Variants in RHOC observed in about 807,000 individuals in gnomAD.
The protein encoded by RHOC is rho-related GTP-binding protein RhoC.
In RHOC, 13 loss-of-function variants were observed where a neutral mutation model predicts 19.5. That is an observed-to-expected ratio of 0.67 (90% CI 0.43 to 1.06). The LOEUF (loss-of-function observed/expected upper bound fraction) is 1.06. Among genes scored for constraint, RHOC ranks in the 50% least tolerant of loss-of-function variants. The pLI, the probability that RHOC is intolerant of heterozygous loss-of-function variation, is 0.00. For missense variants in RHOC, 173 were observed against 256.9 expected, an observed-to-expected ratio of 0.67 and a Z score of 2.23; for synonymous variants, 106 against 97.3, an observed-to-expected ratio of 1.09 and a Z score of -0.52.
At chr1:112,706,463 A>ACACACC (rs1674869025) in intron 1 of RHOC, among the ~76,000 whole-genome samples, 7 of 8,216 alleles carry the variant, frequency 8.5e-4, no homozygotes, top group South Asian at 0.01. Context: ...ACACACACAC[A>ACACACC]CCACACACAC....
rs916545592 is a variant in RHOC at position 112,701,371 on chromosome 1, G to A, written c.*169C>T. The A allele has an allele frequency of 6.6e-7, 1 of 1,519,122 alleles. No individual in the cohort carries two copies. Among genetic ancestry groups the A allele is most frequent in the East Asian group, 2.5e-5 (1 of 40,738 alleles). 94.1% of individuals were successfully genotyped at this position (1,519,122 alleles called of 1,614,324 possible). A position where few individuals can be genotyped will look rare whatever the true frequency, so the allele number is the denominator to read the frequency against. Reference sequence around the variant, plus strand: ...AGGCGTGGCTCCCAGAGCGCTGGGAGGGAGGGCCCGTGCCACCACCTCGGG... The same window carrying A: ...AGGCGTGGCTCCCAGAGCGCTGGGAAGGAGGGCCCGTGCCACCACCTCGGG... On this transcript the variant is annotated 3_prime_UTR_variant, in exon 6 of 6. Coordinates refer to ENST00000339083, the MANE Select transcript of RHOC (RefSeq NM_175744.5).
chr1:112,702,999 C>T lies in RHOC; in HGVS notation c.277G>A (p.Glu93Lys). ...AGTCCCCTCCCTCCAATCCCCTCACCCAGGCTGTCAGGGCTGTCGATGGAG... is the reference window on the plus strand; with the variant it reads ...AGTCCCCTCCCTCCAATCCCCTCACTCAGGCTGTCAGGGCTGTCGATGGAG... ...CFSIDSPDSL[E>K]NIPEKWTPEV... The change falls in exon 4 of 6, where the codon GAA becomes AAA. Residue 93 changes from glutamate to lysine, a missense_variant and splice_region_variant. This residue lies in a region of RHOC where 92 missense variants were observed against 171.1 expected (regional missense o/e 0.54). Transcript: ENST00000339083. 1 of 1,613,992 alleles carries T rather than the reference C, an allele frequency of 6.2e-7. No individual in the cohort carries two copies. Among genetic ancestry groups the T allele is most frequent in the African/African-American group, 1.3e-5 (1 of 75,040 alleles).
chr1:112,705,140 C>G lies in RHOC; in HGVS notation c.-48G>C, dbSNP rs547527828. 15 of 702,210 alleles carry G rather than the reference C, an allele frequency of 2.1e-5. No homozygotes were observed. Among genetic ancestry groups the G allele is most frequent in the African/African-American group, 5.2e-5 (3 of 57,184 alleles). 43.5% of individuals were successfully genotyped at this position (702,210 alleles called of 1,614,324 possible). On this transcript the variant is annotated 5_prime_UTR_variant, in exon 2 of 6. Transcript: ENST00000339083. Reference sequence around the variant, plus strand: ...GTTCCCAGGCTGCAGGAAGAGAGGGCGGGCTCTGGAGCTGAGATGAAGTCA... The same window carrying G: ...GTTCCCAGGCTGCAGGAAGAGAGGGGGGGCTCTGGAGCTGAGATGAAGTCA...
At chr1:112,706,598 AG>A (rs1310583670) in intron 1 of RHOC, 1 of 152,348 alleles carries the variant, frequency 6.6e-6, no homozygotes, top group Non-Finnish European at 1.5e-5. Flanking sequence ...GGAACCGTCC[AG>A]GGCGGCGTCC....
At chr1:112,703,942 A>G (rs1291565583) in intron 2 of RHOC, 136 bp from the exon 3 acceptor site, 4 of 738,790 alleles carry the variant, frequency 5.4e-6, no homozygotes, top group Middle Eastern at 3.9e-4. Flanking sequence ...TGTTCTGGCA[A>G]AACACCAATT....
At chr1:112,702,769 C>G in intron 4 of RHOC, 76 bp from the exon 5 acceptor site, 1 of 1,579,484 alleles carries the variant, frequency 6.3e-7, no homozygotes, top group East Asian at 2.2e-5. Context: ...CCCTCATCTT[C>G]CCAGAGCAGT....
At position 112,701,449 on chromosome 1, in the gene RHOC, A is replaced by C. The variant is rs1340782251; in HGVS notation, c.*91T>G. The C allele has an allele frequency of 3.1e-6, 5 of 1,612,670 alleles. No individual in the cohort carries two copies. The African/African-American group carries it at 4.0e-5, about 13-fold the overall frequency. On this transcript the variant is annotated 3_prime_UTR_variant, in exon 6 of 6. Coordinates refer to ENST00000339083, the MANE Select transcript of RHOC (RefSeq NM_175744.5). ...GAGGGAACTGAAAATGGGAGCCTTC[A>C]GCATGGAGCCCTCAGGAGGCTGGGG... is the stretch of plus-strand genomic sequence containing the variant.
intron 5 of RHOC, 80 bp downstream of exon 5, chr1:112,702,483 G>A: frequency 6.8e-7 from 1 of 1,480,470 alleles, no homozygotes; most frequent in East Asian, 2.3e-5. Flanking sequence ...AGTAGCTGGA[G>A]AGAAGTTCCC....
intron 5 of RHOC, 135 bp from the exon 6 acceptor site, chr1:112,701,848 T>G: frequency 7.0e-6 from 6 of 856,606 alleles, no homozygotes; most frequent in Non-Finnish European, 1.1e-5. Context: ...AGGCCCCAGC[T>G]ACCCTGGGCA....
chr1:112,702,932 A>G, intron 4 of RHOC, 67 bp downstream of exon 4: 1 of 1,580,040 alleles, frequency 6.3e-7, no homozygotes, highest in Non-Finnish European at 8.7e-7. Context: ...GACTGAAGAC[A>G]GGCCAAGGCA....
At chr1:112,706,496 A>ACCACACACACACACACACACCCCCACAC (rs1557780845) in intron 1 of RHOC, among the ~76,000 whole-genome samples, 1 of 40,924 alleles carries the variant, frequency 2.4e-5, no homozygotes, top group Non-Finnish European at 5.7e-5. Flanking sequence ...ACACACACAC[A>ACCACACACACACACACACACCCCCACAC]CACACACACA....
chr1:112,704,958 C>T (rs1389268910), intron 2 of RHOC, 142 bp downstream of exon 2: 6 of 640,486 alleles, frequency 9.4e-6, no homozygotes, highest in Non-Finnish European at 1.7e-5. Flanking sequence ...CTGCCCACCC[C>T]TCCCTGTGAC....
chr1:112,706,722 G>A (rs1205784496), intron 1 of RHOC: 13 of 152,090 alleles, frequency 8.5e-5, no homozygotes, highest in Admixed American at 7.8e-4. Flanking sequence ...GGTCCCCTGC[G>A]GCCGCCCACC....
In RHOC at chr1:112,706,430, T is replaced by TACACACACAC. The variant is rs149206424; in HGVS notation, c.-77+638_-77+647dup. 4.1e-3 allele frequency among the ~76,000 whole-genome samples: 203 copies of TACACACACAC among 49,694 alleles called. 15 individuals are homozygous for TACACACACAC. Among genetic ancestry groups the TACACACACAC allele is most frequent in the Middle Eastern group, 0.021 (2 of 94 alleles). 32.6% of individuals were successfully genotyped at this position (49,694 alleles called of 152,430 possible). A position where few individuals can be genotyped will look rare whatever the true frequency, so the allele number is the denominator to read the frequency against. Reference sequence around the variant, plus strand: ...CATTTTCTCTCTCTCTCTCTCTCTCTACACACACACACACACACACACACA... The same window carrying TACACACACAC: ...CATTTTCTCTCTCTCTCTCTCTCTCTACACACACACACACACACACACACACACACACACA... On this transcript the variant is annotated intron_variant, in intron 1 of 5. Coordinates refer to ENST00000339083, the MANE Select transcript of RHOC (RefSeq NM_175744.5).
chr1:112,706,123 T>C (rs1570834876), intron 1 of RHOC: 1 of 164,868 alleles, frequency 6.1e-6, no homozygotes, highest in South Asian at 1.5e-4. Flanking sequence ...GGGCCTGGAA[T>C]GGAGCCTGGA....
intron 4 of RHOC, 101 bp from the exon 5 acceptor site, chr1:112,702,794 A>G: frequency 6.7e-7 from 1 of 1,495,314 alleles, no homozygotes; most frequent in Non-Finnish European, 9.2e-7. Flanking sequence ...GAAGCCATTC[A>G]GCATGATGGT....
chr1:112,701,377 GC>G lies in RHOC; in HGVS notation c.*162del. 1 of 1,524,936 alleles carries G rather than the reference GC, an allele frequency of 6.6e-7. No individual in the cohort carries two copies. The highest frequency in any genetic ancestry group is 8.8e-7 in the Non-Finnish European group (1 of 1,133,208). 94.5% of individuals were successfully genotyped at this position (1,524,936 alleles called of 1,614,324 possible). ...GGCTCCCAGAGCGCTGGGAGGGAGG[GC>G]CCGTGCCACCACCTCGGGGCTAGAA... On this transcript the variant is annotated 3_prime_UTR_variant, in exon 6 of 6. Coordinates refer to ENST00000339083, the MANE Select transcript of RHOC (RefSeq NM_175744.5).
intron 1 of RHOC, among the ~76,000 whole-genome samples, chr1:112,706,480 A>ACACCCCCACAC (rs1557780723): frequency 9.5e-4 from 7 of 7,394 alleles, no homozygotes; most frequent in African/African-American, 2.1e-3. Context: ...ACACACACAC[A>ACACCCCCACAC]CACACACACA....
chr1:112,706,464 C>CCA (rs57078670), intron 1 of RHOC, among the ~76,000 whole-genome samples: 6 of 23,060 alleles, frequency 2.6e-4, no homozygotes, highest in African/African-American at 1.3e-3. Context: ...CACACACACA[C>CCA]CACACACACA....
Sources: allele counts gnomAD v4.1 joint callset (sites outside exome capture counted in the v4.1 genomes callset), GRCh38; gene constraint gnomAD v4.1.1; regional missense constraint gnomAD v4.1.1; transcripts MANE v1.5; gene names NCBI Gene and HGNC (gene_info 2026-07-23, HGNC 2026-07-21).